The following CDH13 variants were observed in gnomAD, a reference collection of about 807,000 sequenced individuals.
CDH13 encodes the protein cadherin-13.
A neutral mutation model predicts 63.8 loss-of-function variants in CDH13; 24 were observed. The observed-to-expected ratio is 0.38, with a 90% CI of 0.27 to 0.53. The LOEUF (loss-of-function observed/expected upper bound fraction) is 0.53, where lower values mean the gene tolerates loss of function less well. Among genes scored for constraint, CDH13 ranks in the 20% least tolerant of loss-of-function variants. The pLI is 0.85. For synonymous variants in CDH13, 503 were observed against 355.3 expected, an observed-to-expected ratio of 1.42 and a Z score of -4.67; for missense variants, 1,049 against 903.1, an observed-to-expected ratio of 1.16 and a Z score of -2.07.
At chr16:83,052,405 A>C (rs1044945082) in intron 3 of CDH13, among the ~76,000 whole-genome samples, 6 of 152,244 alleles carry the variant, frequency 3.9e-5, no homozygotes, top group Admixed American at 2.6e-4. Context: ...AGAAAACCAC[A>C]ATCATGTTTT....
intron 1 of CDH13, among the ~76,000 whole-genome samples, chr16:82,682,312 A>G (rs1343776518): frequency 6.6e-6 from 1 of 152,218 alleles, no homozygotes; most frequent in African/African-American, 2.4e-5. Context: ...TGGAATCTGC[A>G]TTTATCAAGC....
At chr16:83,051,454 A>G (rs2030328815) in intron 3 of CDH13, among the ~76,000 whole-genome samples, 1 of 152,238 alleles carries the variant, frequency 6.6e-6, no homozygotes, top group Non-Finnish European at 1.5e-5. Flanking sequence ...CAAATGCTAG[A>G]TACCAATAGG....
At chr16:83,168,884 G>A (rs1380393703) in intron 4 of CDH13, among the ~76,000 whole-genome samples, 1 of 151,942 alleles carries the variant, frequency 6.6e-6, no homozygotes, top group Non-Finnish European at 1.5e-5. Context: ...ACATCTCATG[G>A]ACTCTCAATT....
At chr16:82,954,728 T>C (rs12924370) in intron 2 of CDH13, 83,671 of 150,972 alleles carry the variant, frequency 0.55, 24,844 homozygotes, top group East Asian at 0.91. Flanking sequence ...CAATGAACTT[T>C]AGAATATTTT....
chr16:83,111,145 C>G (rs923354509), intron 3 of CDH13, among the ~76,000 whole-genome samples: 1 of 151,286 alleles, frequency 6.6e-6, no homozygotes, highest in African/African-American at 2.4e-5. Context: ...GCACTCCAGC[C>G]TGGGCGACAG....
chr16:83,528,478 C>T (rs886276700), intron 7 of CDH13, among the ~76,000 whole-genome samples: 6 of 152,182 alleles, frequency 3.9e-5, no homozygotes, highest in South Asian at 2.1e-4. Context: ...TCCCATGAGG[C>T]TCATTCTCAG....
At chr16:82,866,900 G>A (rs755146422) in intron 2 of CDH13, among the ~76,000 whole-genome samples, 6 of 152,264 alleles carry the variant, frequency 3.9e-5, no homozygotes, top group Middle Eastern at 3.4e-3. Context: ...GACCTCCCCC[G>A]ATCTCTCCCT....
intron 2 of CDH13, among the ~76,000 whole-genome samples, chr16:82,984,512 C>T (rs750876409): frequency 1.7e-4 from 26 of 152,108 alleles, no homozygotes; most frequent in Non-Finnish European, 3.1e-4. Flanking sequence ...ACACCTTTTT[C>T]CTAAATTTAC....
At chr16:83,749,489 T>G (rs1007634664) in intron 11 of CDH13, among the ~76,000 whole-genome samples, 1 of 152,178 alleles carries the variant, frequency 6.6e-6, no homozygotes, top group Non-Finnish European at 1.5e-5. Flanking sequence ...AAAAAATAAC[T>G]GTTGTGTCTG....
At chr16:83,221,110 C>A (rs1205386101) in intron 5 of CDH13, among the ~76,000 whole-genome samples, 1 of 152,206 alleles carries the variant, frequency 6.6e-6, no homozygotes, top group Non-Finnish European at 1.5e-5. Flanking sequence ...AGCTCCAAAG[C>A]CCCACATTTT....
intron 6 of CDH13, among the ~76,000 whole-genome samples, chr16:83,345,406 A>G (rs559630272): frequency 6.6e-6 from 1 of 152,290 alleles, no homozygotes; most frequent in African/African-American, 2.4e-5. Flanking sequence ...GTGGCCTTTT[A>G]ATAAGAACTA....
At chr16:83,139,257 C>G (rs2036429714) in intron 4 of CDH13, among the ~76,000 whole-genome samples, 1 of 152,226 alleles carries the variant, frequency 6.6e-6, no homozygotes, top group African/African-American at 2.4e-5. Flanking sequence ...ACCAGCGTGT[C>G]ACACGTCTCT....
At chr16:82,960,337 T>C (rs1301881255) in intron 2 of CDH13, among the ~76,000 whole-genome samples, 2 of 152,120 alleles carry the variant, frequency 1.3e-5, no homozygotes, top group African/African-American at 4.8e-5. Flanking sequence ...TTGAGGATGG[T>C]GGTTCATGAT....
rs766107476 is a variant in CDH13 at position 83,797,694 on chromosome 16, T to C, written c.*2664T>C. 5.3e-5 allele frequency: 8 copies of C among 152,336 alleles called. No homozygotes were observed. Among genetic ancestry groups the C allele is most frequent in the Non-Finnish European group, 1.2e-4 (8 of 68,032 alleles). 9.4% of individuals were successfully genotyped at this position (152,336 alleles called of 1,614,324 possible). On this transcript the variant is annotated 3_prime_UTR_variant, in exon 14 of 14. Transcript: ENST00000567109. The stretch of plus-strand genomic sequence containing the variant: ...CTATGCATTTTATCTGAGTCCAACT[T>C]ATTAAAAAACGAAGTCAAGTAAGGA...
chr16:83,349,483 G>A (rs1357435722), intron 6 of CDH13, among the ~76,000 whole-genome samples: 1 of 152,162 alleles, frequency 6.6e-6, no homozygotes, highest in Non-Finnish European at 1.5e-5. Flanking sequence ...CAGGCCCTGA[G>A]ATGAAGATTG....
At chr16:83,260,104 A>ACACAC (rs1906790313) in intron 5 of CDH13, among the ~76,000 whole-genome samples, 1 of 103,844 alleles carries the variant, frequency 9.6e-6, no homozygotes, top group Non-Finnish European at 2.1e-5. Context: ...CAATACACAC[A>ACACAC]CACACACACA....
intron 1 of CDH13, among the ~76,000 whole-genome samples, chr16:82,757,065 C>T (rs1457482122): frequency 6.6e-6 from 1 of 152,128 alleles, no homozygotes; most frequent in African/African-American, 2.4e-5. Context: ...GACATTGACG[C>T]TCCTCCATCA....
In CDH13 at chr16:83,256,674, CAAAA is replaced by C. The variant is rs59651612; in HGVS notation, c.636+39195_636+39198del. Among the ~76,000 whole-genome samples, 320 of 115,626 alleles carry C rather than the reference CAAAA, an allele frequency of 2.8e-3. 2 individuals carry two copies. In the Middle Eastern group the frequency reaches 0.032, roughly 12 times the overall value. 75.9% of individuals were successfully genotyped at this position (115,626 alleles called of 152,430 possible). A position where few individuals can be genotyped will look rare whatever the true frequency, so the allele number is the denominator to read the frequency against. On this transcript the variant is annotated intron_variant, in intron 5 of 13. Transcript: ENST00000567109. ...GTGAAACCCCGTCTCTACTAAAATA[CAAAA>C]AAAAAAAAAAAAAAAAATTAGCCGG...
intron 6 of CDH13, among the ~76,000 whole-genome samples, chr16:83,368,938 A>ATATATATATAT (rs60900726): frequency 1.1e-4 from 6 of 55,424 alleles, no homozygotes; most frequent in Non-Finnish European, 1.7e-4. Flanking sequence ...ATATATATAT[A>ATATATATATAT]CTAGGTTTTT....
Sources: gnomAD v4.1 joint callset for allele counts (sites outside exome capture counted in the v4.1 genomes callset) on GRCh38, gnomAD v4.1.1 for gene constraint, MANE v1.5 for transcripts, NCBI Gene and HGNC (gene_info 2026-07-23, HGNC 2026-07-21) for gene names.